PTPRD: variants seen among roughly 807,000 people sequenced by gnomAD.
PTPRD encodes the protein protein tyrosine phosphatase receptor type D.
Under a neutral mutation model 214.5 loss-of-function variants are expected in PTPRD, and 34 were observed. That is an observed-to-expected ratio of 0.16 (90% CI 0.12 to 0.21). PTPRD has a LOEUF of 0.21. PTPRD is among the 10% of genes least tolerant of loss of function. The pLI, the probability that PTPRD is intolerant of heterozygous loss-of-function variation, is 1.00. For synonymous variants in PTPRD, 1,128 were observed against 845.7 expected (o/e 1.33, Z -5.79); for missense variants, 2,545 against 2,398.7 (o/e 1.06, Z -1.27).
chr9:9,600,387 T>C (rs1275363279), intron 7 of PTPRD, among the ~76,000 whole-genome samples: 1 of 145,566 alleles, frequency 6.9e-6, no homozygotes, highest in Non-Finnish European at 1.5e-5. Flanking sequence ...ATACTACTCA[T>C]GGATCATTAT....
intron 2 of PTPRD, among the ~76,000 whole-genome samples, chr9:10,574,145 A>T (rs1248419721): frequency 6.6e-6 from 1 of 152,044 alleles, no homozygotes; most frequent in South Asian, 2.1e-4. Context: ...AACAAATACA[A>T]TGATTTTGTA....
chr9:9,563,337 GA>G (rs1462915177), intron 8 of PTPRD, among the ~76,000 whole-genome samples: 1 of 152,108 alleles, frequency 6.6e-6, no homozygotes, highest in Non-Finnish European at 1.5e-5. Context: ...GGTGGGATCA[GA>G]ATGCTTTGAC....
chr9:8,883,830 G>A lies in PTPRD; in HGVS notation c.-104+134867C>T, dbSNP rs117140057. On this transcript the variant is annotated intron_variant, in intron 11 of 45. Coordinates refer to ENST00000381196, the MANE Select transcript of PTPRD (RefSeq NM_002839.4). The stretch of plus-strand genomic sequence containing the variant: ...GGACCTCTGTATCCCTTCTGGAGCC[G>A]GTCCAGTAATGGATATTAGAGCCTA... Among the ~76,000 whole-genome samples the A allele has an allele frequency of 2.5e-3, 387 of 152,152 alleles. 2 individuals are homozygous for A. Among genetic ancestry groups the A allele is most frequent in the East Asian group, 0.022 (112 of 5,162 alleles).
chr9:10,241,323 T>C (rs186555024), intron 3 of PTPRD, among the ~76,000 whole-genome samples: 164 of 152,090 alleles, frequency 1.1e-3, no homozygotes, highest in African/African-American at 3.8e-3. Flanking sequence ...GCACTTATCA[T>C]ATGACCCAAT....
At chr9:9,447,487 G>A (rs1044200786) in intron 8 of PTPRD, among the ~76,000 whole-genome samples, 3 of 152,032 alleles carry the variant, frequency 2.0e-5, no homozygotes, top group Admixed American at 1.3e-4. Context: ...CACAAAGAGG[G>A]GAACAACAGA....
At chr9:9,031,691 CTG>C (rs982362226) in intron 10 of PTPRD, among the ~76,000 whole-genome samples, 16 of 151,966 alleles carry the variant, frequency 1.1e-4, no homozygotes, top group Admixed American at 6.6e-5. Flanking sequence ...TTGAAGGAGA[CTG>C]TAGTGAAGAC....
intron 8 of PTPRD, among the ~76,000 whole-genome samples, chr9:9,438,437 C>T (rs983896815): frequency 1.3e-5 from 2 of 152,182 alleles, no homozygotes; most frequent in African/African-American, 4.8e-5. Context: ...TTCCTTCTGA[C>T]TTCTTTCTAA....
intron 6 of PTPRD, among the ~76,000 whole-genome samples, chr9:9,744,927 G>A (rs990240698): frequency 5.3e-5 from 8 of 151,708 alleles, no homozygotes; most frequent in Non-Finnish European, 1.2e-4. Context: ...ATGCTGCCCT[G>A]GAATATTATC....
chr9:8,780,800 A>G (rs184173559), intron 11 of PTPRD, among the ~76,000 whole-genome samples: 1 of 152,356 alleles, frequency 6.6e-6, no homozygotes, highest in African/African-American at 2.4e-5. Context: ...CAGTTTATAG[A>G]TGCCAGAAAA....
chr9:10,595,749 T>C (rs2076483592), intron 2 of PTPRD, among the ~76,000 whole-genome samples: 1 of 151,774 alleles, frequency 6.6e-6, no homozygotes. Context: ...TTTAAAATAA[T>C]CTTTCTGTAA....
At chr9:10,041,751 T>C (rs1007113845) in intron 3 of PTPRD, among the ~76,000 whole-genome samples, 2 of 152,034 alleles carry the variant, frequency 1.3e-5, no homozygotes, top group African/African-American at 2.4e-5. Context: ...TTAAGCACTT[T>C]TACAAAATTG....
intron 11 of PTPRD, among the ~76,000 whole-genome samples, chr9:8,969,250 G>T (rs545331260): frequency 6.6e-6 from 1 of 152,010 alleles, no homozygotes; most frequent in Admixed American, 6.6e-5. Flanking sequence ...AGGGTTACAG[G>T]TGCCCTCATC....
chr9:9,259,066 T>G (rs2099978979), intron 9 of PTPRD, among the ~76,000 whole-genome samples: 1 of 151,808 alleles, frequency 6.6e-6, no homozygotes, highest in Admixed American at 6.6e-5. Flanking sequence ...TGTTCTTGTC[T>G]AAGGAATCTG....
At chr9:10,408,142 G>A (rs1000525538) in intron 2 of PTPRD, among the ~76,000 whole-genome samples, 3 of 151,336 alleles carry the variant, frequency 2.0e-5, no homozygotes, top group Admixed American at 6.6e-5. Flanking sequence ...CCTTTCTTGT[G>A]ACTCCGACTT....
intron 9 of PTPRD, among the ~76,000 whole-genome samples, chr9:9,261,538 G>T (rs560331511): frequency 1.2e-4 from 18 of 151,894 alleles, no homozygotes; most frequent in African/African-American, 3.9e-4. Flanking sequence ...TGGCATAAAT[G>T]ATTTTCACTT....
intron 12 of PTPRD, among the ~76,000 whole-genome samples, chr9:8,653,159 G>T (rs564770321): frequency 1.3e-5 from 2 of 152,226 alleles, no homozygotes; most frequent in South Asian, 2.1e-4. Context: ...TCCTTTCAGG[G>T]CTGTTGTTTC....
intron 9 of PTPRD, among the ~76,000 whole-genome samples, chr9:9,184,233 C>T (rs574198171): frequency 6.6e-6 from 1 of 152,176 alleles, no homozygotes; most frequent in South Asian, 2.1e-4. Flanking sequence ...CACACGTTAT[C>T]ACATCACCCT....
chr9:8,886,138 T>G (rs1240249804), intron 11 of PTPRD, among the ~76,000 whole-genome samples: 1 of 152,186 alleles, frequency 6.6e-6, no homozygotes, highest in Non-Finnish European at 1.5e-5. Context: ...ATGAAAAACT[T>G]AAGTCCAGCT....
At chr9:8,414,444 G>T (rs2093747575) in intron 35 of PTPRD, among the ~76,000 whole-genome samples, 1 of 152,112 alleles carries the variant, frequency 6.6e-6, no homozygotes, top group Non-Finnish European at 1.5e-5. Context: ...CAGCAGTATG[G>T]GTTTATACAA....
Sources: allele counts gnomAD v4.1 joint callset (sites outside exome capture counted in the v4.1 genomes callset), GRCh38; gene constraint gnomAD v4.1.1; transcripts MANE v1.5; gene names NCBI Gene and HGNC (gene_info 2026-07-23, HGNC 2026-07-21).